Variants in SETD2 observed in about 807,000 individuals in gnomAD.
SETD2 encodes histone-lysine N-methyltransferase SETD2.
SETD2 carries 31 observed loss-of-function variants against 242.1 expected under a neutral mutation model. The observed-to-expected ratio is 0.13, with a 90% confidence interval of 0.10 to 0.17. SETD2 has a LOEUF of 0.17. SETD2 is among the 10% of genes least tolerant of loss of function. The pLI, the probability that SETD2 is intolerant of heterozygous loss-of-function variation, is 1.00. For synonymous variants in SETD2, 1,006 were observed against 1,066.5 expected, an observed-to-expected ratio of 0.94 and a Z score of 1.11; for missense variants, 2,481 against 3,046.3, an observed-to-expected ratio of 0.81 and a Z score of 4.37.
rs145911577 is a variant in SETD2 at position 47,027,336 on chromosome 3, CAAAAAAAAAAA to C, written c.7351-7507_7351-7497del. On this transcript the variant is annotated intron_variant, in intron 18 of 20. Coordinates refer to ENST00000409792, the MANE Select transcript of SETD2 (RefSeq NM_014159.7). ...TGGGCGACAGAGCGAGACTCCATCTCAAAAAAAAAAAAAAAAAAAAAAAAAGAGAACACATG... is the reference window on the plus strand; with the variant it reads ...TGGGCGACAGAGCGAGACTCCATCTCAAAAAAAAAAAAAAGAGAACACATG... Among the ~76,000 whole-genome samples, 178 of 103,784 alleles carry C rather than the reference CAAAAAAAAAAA, an allele frequency of 1.7e-3. 6 individuals carry two copies. The highest frequency in any genetic ancestry group is 0.017 in the Admixed American group (161 of 9,718). The allele number at this position is 103,784 out of a possible 152,430, so 68.1% of individuals were successfully genotyped here.
At chr3:47,064,576 T>C in intron 13 of SETD2, 1 of 358,040 alleles carries the variant, frequency 2.8e-6, no homozygotes, top group Non-Finnish European at 5.9e-6. Context: ...ATTCTGACTC[T>C]GCACCTTAGA....
rs2043213996 is a variant in SETD2, at chr3:47,123,895, T to C, written c.741A>G (p.Pro247=). Residue 247 remains proline (P), a synonymous_variant, in exon 3 of 21, where the codon CCA becomes CCG. Coordinates refer to ENST00000409792, the MANE Select transcript of SETD2 (RefSeq NM_014159.7). ...GCTTAGTATCTGCTTCTAAAGATTC[T>C]GGTACAATTATAATTGGTGGTTCTT... ...SLKEPPIIIV[P]ESLEADTKQD... 6.4e-7 allele frequency: 1 copy of C among 1,552,076 alleles called. No individual in the cohort carries two copies. The highest frequency in any genetic ancestry group is 2.0e-5 in the Admixed American group (1 of 51,018).
Position 47,126,178 on chromosome 3 carries a change from T to C in SETD2, c.87+470A>G, listed in dbSNP as rs555276322. ...CTGAGTAGCTGGGACTAAGCCACCATGTCTGCCTAATTTTCTTATTTTTAG... is the reference window on the plus strand; with the variant it reads ...CTGAGTAGCTGGGACTAAGCCACCACGTCTGCCTAATTTTCTTATTTTTAG... On this transcript the variant is annotated intron_variant, in intron 2 of 20. Coordinates refer to ENST00000409792, the MANE Select transcript of SETD2 (RefSeq NM_014159.7). Among the ~76,000 whole-genome samples the C allele has an allele frequency of 3.3e-5, 5 of 152,288 alleles. No homozygotes were observed. In the East Asian group the frequency reaches 9.7e-4, roughly 29 times the overall value.
intron 8 of SETD2, among the ~76,000 whole-genome samples, chr3:47,099,440 C>T (rs1001031915): frequency 6.6e-6 from 1 of 152,098 alleles, no homozygotes; most frequent in Non-Finnish European, 1.5e-5. Flanking sequence ...GTCACTGGTC[C>T]TAAAGACCCA....
In SETD2 at chr3:47,057,447, G is replaced by A. The variant is rs867188953; in HGVS notation, c.6337C>T (p.Arg2113Cys). The part of the protein sequence containing the change: ...TSKKKVRIKD[R>C]NKLSTEERRK... ...CGTTCCTCTGTAGAAAGTTTATTGC[G>A]GTCTTTAATTCGTACTTTCTTTTTA... The change falls in exon 15 of 21, where the codon CGC becomes TGC. Residue 2113 changes from arginine to cysteine, a missense_variant. Around this residue, in one of 17 missense-constraint regions of SETD2, gnomAD observed 80 missense variants for 102.6 expected, o/e 0.78. Transcript: ENST00000409792. The A allele has an allele frequency of 5.0e-6, 8 of 1,614,002 alleles. No individual in the cohort carries two copies. Among genetic ancestry groups the A allele is most frequent in the East Asian group, 2.2e-5 (1 of 44,886 alleles).
intron 5 of SETD2, 44 bp from the exon 6 acceptor site, chr3:47,106,164 A>T: frequency 6.3e-7 from 1 of 1,581,172 alleles, no homozygotes; most frequent in South Asian, 1.1e-5. Context: ...ACCTAGGAGC[A>T]GTAGGGAAAA....
rs2107638627 is a variant in SETD2, at chr3:47,083,936, C to T, written c.5844G>A (p.Lys1948=). ...CAGCTTCTGGTTCAGATGTAGGTAG[C>T]TTACTAGCTTCTATGTTGGTTTCAC... The part of the protein sequence containing the change: ...VDSETNIEAS[K]LPTSEPEADA... The change falls in exon 12 of 21, where the codon AAG becomes AAA. Residue 1948 remains lysine (K), a synonymous_variant. Coordinates refer to ENST00000409792, the MANE Select transcript of SETD2 (RefSeq NM_014159.7). 1 of 1,614,164 alleles carries T rather than the reference C, an allele frequency of 6.2e-7. No homozygotes were observed. The highest frequency in any genetic ancestry group is 8.5e-7 in the Non-Finnish European group (1 of 1,180,016).
chr3:47,126,074 G>A (rs1388430498), intron 2 of SETD2, among the ~76,000 whole-genome samples: 4 of 152,182 alleles, frequency 2.6e-5, no homozygotes, highest in African/African-American at 9.7e-5. Flanking sequence ...CTGTTGCCCA[G>A]GCTGAAGTGC....
At chr3:47,027,916 C>A (rs944488859) in intron 18 of SETD2, among the ~76,000 whole-genome samples, 1 of 151,812 alleles carries the variant, frequency 6.6e-6, no homozygotes, top group Non-Finnish European at 1.5e-5. Context: ...CTCAGCCTCC[C>A]GAGTAGCTAG....
At chr3:47,066,896 T>G (rs544956874) in intron 13 of SETD2, 174 bp downstream of exon 13, 108 of 534,600 alleles carry the variant, frequency 2.0e-4, no homozygotes, top group African/African-American at 1.8e-3. Flanking sequence ...TTTGGCAAAA[T>G]GCATTAAGAA....
chr3:47,019,902 C>T, intron 18 of SETD2, 62 bp from the exon 19 acceptor site: 1 of 1,363,922 alleles, frequency 7.3e-7, no homozygotes, highest in Non-Finnish European at 1.1e-6. Flanking sequence ...TGATGCCCTA[C>T]TGTCCCAGAA....
intron 1 of SETD2, chr3:47,157,602 G>C (rs1345667037): frequency 2.2e-6 from 1 of 453,376 alleles, no homozygotes; most frequent in Middle Eastern, 3.6e-4. Flanking sequence ...CCAGGGGCGT[G>C]GTGGCTCATG....
chr3:47,107,220 AT>A (rs1291797414), intron 5 of SETD2, among the ~76,000 whole-genome samples: 1 of 152,190 alleles, frequency 6.6e-6, no homozygotes, highest in Non-Finnish European at 1.5e-5. Flanking sequence ...GTCTTTTCTT[AT>A]CCCCTCAAAA....
chr3:47,057,857 C>T (rs1210978964), intron 14 of SETD2, among the ~76,000 whole-genome samples: 1 of 152,102 alleles, frequency 6.6e-6, no homozygotes, highest in African/African-American at 2.4e-5. Context: ...TAATCCAATA[C>T]TCAATCCAAT....
chr3:47,145,144 GA>G (rs887150577), intron 1 of SETD2, among the ~76,000 whole-genome samples: 1 of 152,026 alleles, frequency 6.6e-6, no homozygotes, highest in Non-Finnish European at 1.5e-5. Context: ...CTAGAATGAT[GA>G]AAAAAACTGC....
At chr3:47,141,879 T>C (rs1327813482) in intron 1 of SETD2, among the ~76,000 whole-genome samples, 1 of 152,130 alleles carries the variant, frequency 6.6e-6, no homozygotes, top group Admixed American at 6.6e-5. Context: ...TTTTTTTCAT[T>C]GTAATTAATG....
chr3:47,038,761 TA>T (rs1469932063), intron 17 of SETD2, among the ~76,000 whole-genome samples: 1 of 152,186 alleles, frequency 6.6e-6, no homozygotes, highest in Non-Finnish European at 1.5e-5. Context: ...TTTTCTTTTT[TA>T]AAAAAGATCT....
At position 47,105,903 on chromosome 3, in the gene SETD2, CA is replaced by C. The variant is rs55987628; in HGVS notation, c.4839+93del. On this transcript the variant is annotated intron_variant, in intron 6 of 20. Transcript: ENST00000409792. ...GGGCGATAGAGCGAGACTCCGTCTC[CA>C]AAAAAAAAAAAAAAAAAAAAATCAA... 0.13 allele frequency: 123,891 copies of C among 955,160 alleles called. 696 individuals carry two copies. The highest frequency in any genetic ancestry group is 0.23 in the African/African-American group (10,703 of 45,550). The allele number at this position is 955,160 out of a possible 1,614,324, so 59.2% of individuals were successfully genotyped here.
chr3:47,041,401 AT>A, intron 17 of SETD2: 1 of 446,450 alleles, frequency 2.2e-6, no homozygotes, highest in South Asian at 1.6e-5. Context: ...TCATCCCAGC[AT>A]TTTGGGAGGC....
Sources: allele counts gnomAD v4.1 joint callset (sites outside exome capture counted in the v4.1 genomes callset), GRCh38; gene constraint gnomAD v4.1.1; regional missense constraint gnomAD v4.1.1; transcripts MANE v1.5; gene names NCBI Gene and HGNC (gene_info 2026-07-23, HGNC 2026-07-21).